ZNF76: variants seen among roughly 807,000 people sequenced by gnomAD.
ZNF76 encodes the protein zinc finger protein 523.
In ZNF76, 66 loss-of-function variants were observed where a neutral mutation model predicts 66.9. The ratio of observed to expected loss-of-function variants is 0.99; its 90% CI spans 0.81 to 1.21. ZNF76 has a LOEUF of 1.21. Ranked by LOEUF, ZNF76 falls within the 50% of genes most tolerant of loss-of-function variation. ZNF76 has a pLI of 0.00. For synonymous variants in ZNF76, 275 were observed against 296.1 expected (o/e 0.93, Z 0.73); for missense variants, 729 against 760.3 (o/e 0.96, Z 0.48).
Position 35,293,842 on chromosome 6 carries a change from C to T in ZNF76, c.1421C>T (p.Pro474Leu). 1 of 1,614,162 alleles carries T rather than the reference C, an allele frequency of 6.2e-7. No individual in the cohort carries two copies. The highest frequency in any genetic ancestry group is 8.5e-7 in the Non-Finnish European group (1 of 1,180,018). The change falls in exon 12 of 14, where the codon CCT (proline) becomes CTT (leucine). Residue 474 changes from proline to leucine, a missense_variant. Pro to Leu is a moderately conservative substitution (Grantham distance 98). Coordinates refer to ENST00000373953, the MANE Select transcript of ZNF76 (RefSeq NM_003427.5). ...AGCACCACCCTCACCATCCCCAGTC[C>T]TGATGCCGACCTGGCCACATCTGGC... ...HGSTTLTIPS[P>L]DADLATSGTH...
Position 35,281,095 on chromosome 6 carries a change from C to G in ZNF76, c.-57C>G. ...AGGAAATCTCTGACCTCAGCTGTGGCTCTTGGTGCTGGCCAGAAGCCAACT... is the reference window on the plus strand; with the variant it reads ...AGGAAATCTCTGACCTCAGCTGTGGGTCTTGGTGCTGGCCAGAAGCCAACT... On this transcript the variant is annotated 5_prime_UTR_variant, in exon 2 of 14. Coordinates refer to ENST00000373953, the MANE Select transcript of ZNF76 (RefSeq NM_003427.5). 1.3e-6 allele frequency: 2 copies of G among 1,535,820 alleles called. No homozygotes were observed. Among genetic ancestry groups the G allele is most frequent in the East Asian group, 2.2e-5 (1 of 44,502 alleles).
intron 1 of ZNF76, among the ~76,000 whole-genome samples, chr6:35,261,337 C>T (rs1191367682): frequency 6.6e-6 from 1 of 152,200 alleles, no homozygotes; most frequent in Non-Finnish European, 1.5e-5. Flanking sequence ...TCCCTATCTT[C>T]TCATCTCTGC....
At chr6:35,282,151 A>G (rs947586423) in intron 2 of ZNF76, among the ~76,000 whole-genome samples, 2 of 152,060 alleles carry the variant, frequency 1.3e-5, no homozygotes, top group Admixed American at 1.3e-4. Flanking sequence ...GGACATACAT[A>G]TACCCCTTAT....
intron 6 of ZNF76, 39 bp from the exon 7 acceptor site, chr6:35,290,602 C>A (rs753800205): frequency 1.9e-6 from 3 of 1,610,528 alleles, no homozygotes; most frequent in Non-Finnish European, 2.5e-6. Flanking sequence ...CTGGTCATAC[C>A]CTTGCTCCTC....
At chr6:35,265,984 G>T (rs1216051795) in intron 1 of ZNF76, among the ~76,000 whole-genome samples, 2 of 152,128 alleles carry the variant, frequency 1.3e-5, no homozygotes, top group East Asian at 3.8e-4. Flanking sequence ...AGAGAAACTG[G>T]TTAGGAGGCT....
In ZNF76 at chr6:35,264,266, T is replaced by G. The variant is rs1021408488; in HGVS notation, c.-97+4425T>G. ...GTCCCTTGATTTAAACGTCGGTAAT[T>G]TAGACACTTCCTTTTTTAGTCATTG... is the stretch of plus-strand genomic sequence containing the variant. On this transcript the variant is annotated intron_variant, in intron 1 of 13. Coordinates refer to ENST00000373953, the MANE Select transcript of ZNF76 (RefSeq NM_003427.5). Among the ~76,000 whole-genome samples, 3 of 152,346 alleles carry G rather than the reference T, an allele frequency of 2.0e-5. No homozygotes were observed. In the East Asian group the frequency reaches 5.8e-4, roughly 29 times the overall value.
chr6:35,265,507 A>C (rs1785880168), intron 1 of ZNF76, among the ~76,000 whole-genome samples: 1 of 136,502 alleles, frequency 7.3e-6, no homozygotes, highest in African/African-American at 2.9e-5. Flanking sequence ...ACTCTGTCTC[A>C]AAAAAAAAAA....
intron 1 of ZNF76, among the ~76,000 whole-genome samples, chr6:35,271,315 C>T (rs540200154): frequency 6.6e-6 from 1 of 152,368 alleles, no homozygotes; most frequent in South Asian, 2.1e-4. Flanking sequence ...TCTCCCACCA[C>T]CAGCAATGTA....
chr6:35,276,791 G>GTTTT (rs10571257), intron 1 of ZNF76, among the ~76,000 whole-genome samples: 2 of 97,066 alleles, frequency 2.1e-5, no homozygotes, highest in Non-Finnish European at 4.1e-5. Flanking sequence ...TTATTTATGG[G>GTTTT]TTTTTTTTTT....
intron 2 of ZNF76, among the ~76,000 whole-genome samples, chr6:35,281,668 A>T (rs953985395): frequency 4.6e-5 from 7 of 152,170 alleles, no homozygotes; most frequent in African/African-American, 1.7e-4. Flanking sequence ...ATAGTGGCTC[A>T]TGTCTATAAT....
At chr6:35,284,452 G>T (rs989462265) in intron 2 of ZNF76, among the ~76,000 whole-genome samples, 3 of 151,264 alleles carry the variant, frequency 2.0e-5, no homozygotes, top group African/African-American at 7.3e-5. Context: ...AGGCTAGAGT[G>T]CAGTGGTACA....
At chr6:35,262,686 C>T (rs1325058348) in intron 1 of ZNF76, among the ~76,000 whole-genome samples, 4 of 152,202 alleles carry the variant, frequency 2.6e-5, no homozygotes, top group African/African-American at 9.6e-5. Context: ...TCCTCAGCCA[C>T]ATTCTGTGAC....
At chr6:35,276,934 A>G (rs1310169950) in intron 1 of ZNF76, among the ~76,000 whole-genome samples, 2 of 149,062 alleles carry the variant, frequency 1.3e-5, no homozygotes, top group Non-Finnish European at 3.0e-5. Context: ...GTAGCTAGGC[A>G]TGTGCTACCA....
At position 35,274,846 on chromosome 6, in the gene ZNF76, G is replaced by A. The variant is rs1027656545; in HGVS notation, c.-96-6210G>A. On this transcript the variant is annotated intron_variant, in intron 1 of 13. Transcript: ENST00000373953. ...GTTTTCCTGCATCAGGACCAGTAAT[G>A]GGTTAAGTTTATTTAAAAGTGCAGC... Among the ~76,000 whole-genome samples the A allele has an allele frequency of 5.2e-4, 79 of 152,264 alleles. 1 individual carries two copies. Among genetic ancestry groups the A allele is most frequent in the African/African-American group, 1.8e-3 (74 of 41,554 alleles).
Position 35,291,325 on chromosome 6 carries a change from T to A in ZNF76, c.673T>A (p.Tyr225Asn). 1 of 1,613,774 alleles carries A rather than the reference T, an allele frequency of 6.2e-7. No homozygotes were observed. The change falls in exon 8 of 14, where the codon TAC becomes AAC. Residue 225 changes from tyrosine to asparagine, a missense_variant. Tyr to Asn is a moderately radical substitution (Grantham distance 143, BLOSUM62 -2). Transcript: ENST00000373953. ...HVRTHTGEKP[Y>N]KCPEELCSKA... ...TCGTACCCACACTGGTGAGAAACCATACAAGTGCCCAGAGGAGCTGTGCAG... is the reference window on the plus strand; with the variant it reads ...TCGTACCCACACTGGTGAGAAACCAAACAAGTGCCCAGAGGAGCTGTGCAG...
intron 1 of ZNF76, among the ~76,000 whole-genome samples, chr6:35,278,494 A>C (rs1055546957): frequency 6.6e-6 from 1 of 152,272 alleles, no homozygotes; most frequent in African/African-American, 2.4e-5. Flanking sequence ...GACATCTGCA[A>C]TGTGAACTTC....
intron 1 of ZNF76, among the ~76,000 whole-genome samples, chr6:35,261,675 T>C (rs1005839246): frequency 1.3e-5 from 2 of 152,180 alleles, no homozygotes; most frequent in African/African-American, 4.8e-5. Context: ...ATTCCTTATT[T>C]TCTAGTAATT....
chr6:35,283,241 G>A (rs1318194121), intron 2 of ZNF76, among the ~76,000 whole-genome samples: 2 of 152,144 alleles, frequency 1.3e-5, no homozygotes, highest in Non-Finnish European at 2.9e-5. Flanking sequence ...GTGTTGCAGT[G>A]TGCACTTACA....
chr6:35,260,348 A>T (rs1335203265), intron 1 of ZNF76, among the ~76,000 whole-genome samples: 1 of 151,526 alleles, frequency 6.6e-6, no homozygotes, highest in Admixed American at 6.6e-5. Context: ...GACTCCCCTC[A>T]AAACTCTGCT....
Sources: allele counts gnomAD v4.1 joint callset (sites outside exome capture counted in the v4.1 genomes callset), GRCh38; gene constraint gnomAD v4.1.1; transcripts MANE v1.5; gene names NCBI Gene and HGNC (gene_info 2026-07-23, HGNC 2026-07-21).